Variants in CTNND2 observed in about 807,000 individuals in gnomAD.
CTNND2 encodes catenin delta 2.
Under a neutral mutation model 144.4 loss-of-function variants are expected in CTNND2, and 22 were observed. The observed-to-expected ratio is 0.15, with a 90% confidence interval of 0.11 to 0.22. The LOEUF is 0.22. Among genes scored for constraint, CTNND2 ranks in the 10% least tolerant of loss-of-function variants. The pLI is 1.00. For missense variants in CTNND2, 1,353 were observed against 1,618.8 expected (o/e 0.84, Z 2.82); for synonymous variants, 751 against 695.6 (o/e 1.08, Z -1.25).
chr5:11,827,738 G>A (rs1456280261), intron 1 of CTNND2, among the ~76,000 whole-genome samples: 1 of 151,994 alleles, frequency 6.6e-6, no homozygotes, highest in Non-Finnish European at 1.5e-5. Context: ...TCACTCAAGG[G>A]GAATTGCACA....
Position 11,350,383 on chromosome 5 carries a change from T to C in CTNND2, c.1373-3756A>G, listed in dbSNP as rs143968272. On this transcript the variant is annotated intron_variant, in intron 8 of 21. Coordinates refer to ENST00000304623, the MANE Select transcript of CTNND2 (RefSeq NM_001332.4). Reference sequence around the variant, plus strand: ...ATAAAAAATATATATATAATTATCTTAATTTTATTTTAAACTGTTTTACAT... The same window carrying C: ...ATAAAAAATATATATATAATTATCTCAATTTTATTTTAAACTGTTTTACAT... Among the ~76,000 whole-genome samples, 1,363 of 151,938 alleles carry C rather than the reference T, an allele frequency of 9.0e-3. 10 individuals carry two copies. The highest frequency in any genetic ancestry group is 0.017 in the Middle Eastern group (5 of 292).
At chr5:11,688,412 T>A (rs1447851982) in intron 2 of CTNND2, among the ~76,000 whole-genome samples, 1 of 152,178 alleles carries the variant, frequency 6.6e-6, no homozygotes, top group African/African-American at 2.4e-5. Context: ...CATAGTGCAC[T>A]AAATATACTC....
chr5:11,101,079 T>C (rs1362737575), intron 14 of CTNND2, among the ~76,000 whole-genome samples: 1 of 152,238 alleles, frequency 6.6e-6, no homozygotes, highest in Non-Finnish European at 1.5e-5. Flanking sequence ...TAATCTTTGA[T>C]GGCAACTGGA....
rs1365070772 is a variant in CTNND2, at chr5:11,174,670, T to A, written c.1976-14911A>T. Among the ~76,000 whole-genome samples, 5 of 152,152 alleles carry A rather than the reference T, an allele frequency of 3.3e-5. No homozygotes were observed. The East Asian group carries it at 9.6e-4, about 29-fold the overall frequency. ...AAATAAAAATGCGTTAGCCAGTTGATCATTATGGCACGTATTCAGTGATTA... is the reference window on the plus strand; with the variant it reads ...AAATAAAAATGCGTTAGCCAGTTGAACATTATGGCACGTATTCAGTGATTA... On this transcript the variant is annotated intron_variant, in intron 11 of 21. Transcript: ENST00000304623.
intron 1 of CTNND2, among the ~76,000 whole-genome samples, chr5:11,853,328 T>C (rs983819057): frequency 2.0e-5 from 3 of 152,176 alleles, no homozygotes; most frequent in Non-Finnish European, 4.4e-5. Context: ...CAGCATTCTC[T>C]GCATGTTTTC....
intron 2 of CTNND2, among the ~76,000 whole-genome samples, chr5:11,607,388 A>G (rs562858977): frequency 6.6e-6 from 1 of 152,178 alleles, no homozygotes; most frequent in Non-Finnish European, 1.5e-5. Context: ...CATATATAAT[A>G]TTATCTCCAT....
rs1359770498 is a variant in CTNND2, at chr5:11,396,943, G to A, written c.612+88C>T. On this transcript the variant is annotated intron_variant, in intron 6 of 21. Coordinates refer to ENST00000304623, the MANE Select transcript of CTNND2 (RefSeq NM_001332.4). ...ACACACCTACAAAAAAGGCAGGCTG[G>A]ATCTCCACAATCTCCACATCCACTG... is the stretch of plus-strand genomic sequence containing the variant. 5.3e-6 allele frequency: 7 copies of A among 1,329,810 alleles called. No homozygotes were observed. The Admixed American group carries it at 1.3e-4, about 25-fold the overall frequency. 82.4% of individuals were successfully genotyped at this position (1,329,810 alleles called of 1,614,324 possible).
chr5:11,851,923 G>T (rs1198883595), intron 1 of CTNND2, among the ~76,000 whole-genome samples: 1 of 152,216 alleles, frequency 6.6e-6, no homozygotes, highest in Non-Finnish European at 1.5e-5. Context: ...AAAAGATTTT[G>T]AATATAATTT....
intron 2 of CTNND2, among the ~76,000 whole-genome samples, chr5:11,618,559 A>G (rs1311610190): frequency 6.6e-6 from 1 of 152,230 alleles, no homozygotes; most frequent in Non-Finnish European, 1.5e-5. Context: ...ATGCACATAT[A>G]TCTTATAGAT....
At chr5:11,453,724 T>C (rs61760263) in intron 3 of CTNND2, among the ~76,000 whole-genome samples, 1,601 of 152,288 alleles carry the variant, frequency 0.011, 35 homozygotes, top group African/African-American at 0.037. Flanking sequence ...CAGAATTGCA[T>C]TTGTGTAATT....
chr5:11,118,267 C>G (rs1753757499), intron 12 of CTNND2, among the ~76,000 whole-genome samples: 1 of 152,216 alleles, frequency 6.6e-6, no homozygotes, highest in East Asian at 1.9e-4. Flanking sequence ...CTTTTAGTTA[C>G]TCTACCACCT....
chr5:11,651,864 A>G (rs113832202), intron 2 of CTNND2, among the ~76,000 whole-genome samples: 2 of 152,112 alleles, frequency 1.3e-5, no homozygotes, highest in African/African-American at 4.8e-5. Flanking sequence ...GGAAGTCAAT[A>G]ATTTGTTTTT....
intron 16 of CTNND2, among the ~76,000 whole-genome samples, chr5:11,051,730 C>T (rs1745848828): frequency 6.6e-6 from 1 of 151,994 alleles, no homozygotes; most frequent in Non-Finnish European, 1.5e-5. Flanking sequence ...CATGAATATC[C>T]ACCAACTATT....
At chr5:11,078,444 A>G (rs891205155) in intron 16 of CTNND2, among the ~76,000 whole-genome samples, 1 of 152,314 alleles carries the variant, frequency 6.6e-6, no homozygotes, top group African/African-American at 2.4e-5. Flanking sequence ...GACTGGCTTC[A>G]TTTCCCATCT....
At chr5:11,064,247 T>A (rs1456938724) in intron 16 of CTNND2, among the ~76,000 whole-genome samples, 2 of 152,206 alleles carry the variant, frequency 1.3e-5, no homozygotes, top group African/African-American at 2.4e-5. Context: ...GGGCTATTTT[T>A]ATGCACATAT....
intron 2 of CTNND2, among the ~76,000 whole-genome samples, chr5:11,723,823 G>A (rs369260931): frequency 8.6e-5 from 13 of 151,960 alleles, no homozygotes; most frequent in African/African-American, 2.7e-4. Flanking sequence ...TTGGGAGGCC[G>A]AGGTGGGCAG....
At chr5:11,514,264 C>CAT (rs771934806) in intron 3 of CTNND2, among the ~76,000 whole-genome samples, 8 of 151,854 alleles carry the variant, frequency 5.3e-5, no homozygotes, top group African/African-American at 1.2e-4. Context: ...ATATATAAGA[C>CAT]ATATATATAT....
At chr5:11,594,103 G>A (rs894794095) in intron 2 of CTNND2, among the ~76,000 whole-genome samples, 12 of 152,184 alleles carry the variant, frequency 7.9e-5, no homozygotes, top group African/African-American at 2.9e-4. Flanking sequence ...AAGCACACCA[G>A]AAGACATCTC....
intron 18 of CTNND2, among the ~76,000 whole-genome samples, chr5:11,007,923 C>T (rs1158828139): frequency 1.3e-5 from 2 of 152,158 alleles, no homozygotes; most frequent in East Asian, 3.9e-4. Context: ...TGTGGGTGGC[C>T]ACTTGATTAA....
Sources: allele counts gnomAD v4.1 joint callset (sites outside exome capture counted in the v4.1 genomes callset), GRCh38; gene constraint gnomAD v4.1.1; transcripts MANE v1.5; gene names NCBI Gene and HGNC (gene_info 2026-07-23, HGNC 2026-07-21).